The following MAGI2 variants were observed in gnomAD, a reference collection of about 807,000 sequenced individuals.
The protein encoded by MAGI2 is membrane-associated guanylate kinase, WW and PDZ domain-containing protein 2.
In MAGI2, 35 loss-of-function variants were observed where a neutral mutation model predicts 133.3. That is an observed-to-expected ratio of 0.26 (90% confidence interval 0.20 to 0.35). MAGI2 has a LOEUF of 0.35. Among genes scored for constraint, MAGI2 ranks in the 10% least tolerant of loss-of-function variants. MAGI2 has a pLI of 1.00. For synonymous variants in MAGI2, 729 were observed against 710.6 expected, an observed-to-expected ratio of 1.03 and a Z score of -0.41; for missense variants, 1,636 against 1,863.4, an observed-to-expected ratio of 0.88 and a Z score of 2.25.
At chr7:79,386,672 G>A (rs576609695) in intron 1 of MAGI2, among the ~76,000 whole-genome samples, 9 of 152,080 alleles carry the variant, frequency 5.9e-5, no homozygotes, top group East Asian at 1.9e-4. Context: ...GAATAACACC[G>A]AGGACAATTC....
chr7:79,397,276 G>C (rs1236827255), intron 1 of MAGI2, among the ~76,000 whole-genome samples: 4 of 151,208 alleles, frequency 2.6e-5, no homozygotes, highest in East Asian at 1.9e-4. Flanking sequence ...TATCAACATA[G>C]ATTTGATTAT....
chr7:79,281,674 G>A (rs1439641497), intron 1 of MAGI2, among the ~76,000 whole-genome samples: 1 of 152,144 alleles, frequency 6.6e-6, no homozygotes, highest in Non-Finnish European at 1.5e-5. Context: ...GTAAAATGAA[G>A]TTATGGAAAA....
intron 9 of MAGI2, among the ~76,000 whole-genome samples, chr7:78,309,211 C>T (rs1174662995): frequency 1.3e-5 from 2 of 152,036 alleles, no homozygotes; most frequent in Admixed American, 6.5e-5. Context: ...GAAAATAAAT[C>T]GCTCTACCAA....
At chr7:79,279,148 C>T (rs1835443258) in intron 1 of MAGI2, among the ~76,000 whole-genome samples, 1 of 152,102 alleles carries the variant, frequency 6.6e-6, no homozygotes, top group Admixed American at 6.5e-5. Flanking sequence ...CTTTTTGAAG[C>T]GTGGTTCTTT....
intron 1 of MAGI2, among the ~76,000 whole-genome samples, chr7:79,170,067 G>A (rs181633438): frequency 5.6e-4 from 83 of 149,324 alleles, no homozygotes; most frequent in Non-Finnish European, 1.1e-3. Context: ...GACCATAGTA[G>A]GTCATCCAAC....
intron 1 of MAGI2, among the ~76,000 whole-genome samples, chr7:79,274,315 G>T (rs1287743370): frequency 6.6e-6 from 1 of 152,016 alleles, no homozygotes; most frequent in Admixed American, 6.6e-5. Context: ...GATTCTGATT[G>T]GGTTTGGCAC....
intron 5 of MAGI2, 49 bp downstream of exon 5, chr7:78,501,528 T>A: frequency 2.2e-6 from 3 of 1,392,874 alleles, no homozygotes; most frequent in Non-Finnish European, 3.1e-6. Context: ...ATCATTTATA[T>A]CCCGCTATGA....
At chr7:78,423,100 T>A (rs1264784000) in intron 6 of MAGI2, among the ~76,000 whole-genome samples, 1 of 152,234 alleles carries the variant, frequency 6.6e-6, no homozygotes, top group East Asian at 1.9e-4. Flanking sequence ...TGTGGCTGCA[T>A]CTCCACCCAA....
intron 9 of MAGI2, among the ~76,000 whole-genome samples, chr7:78,330,930 C>T (rs1293112570): frequency 6.6e-6 from 1 of 152,132 alleles, no homozygotes; most frequent in Admixed American, 6.5e-5. Context: ...ACGAATCTGA[C>T]ATTGTCTATA....
chr7:78,251,660 A>G (rs1012634354), intron 10 of MAGI2: 1 of 152,238 alleles, frequency 6.6e-6, no homozygotes, highest in Non-Finnish European at 1.5e-5. Flanking sequence ...AAATTGAACA[A>G]AAGTACAAGA....
At chr7:78,447,154 G>A (rs1788230530) in intron 6 of MAGI2, among the ~76,000 whole-genome samples, 1 of 152,008 alleles carries the variant, frequency 6.6e-6, no homozygotes, top group African/African-American at 2.4e-5. Context: ...GTGCAGCTAG[G>A]AAAATGGATT....
At chr7:79,222,718 T>A (rs1424448188) in intron 1 of MAGI2, among the ~76,000 whole-genome samples, 1 of 152,048 alleles carries the variant, frequency 6.6e-6, no homozygotes, top group Non-Finnish European at 1.5e-5. Context: ...ATATTCCAAA[T>A]GTACCTTTAC....
At chr7:78,491,901 G>A (rs1418338025) in intron 5 of MAGI2, among the ~76,000 whole-genome samples, 1 of 144,380 alleles carries the variant, frequency 6.9e-6, no homozygotes, top group African/African-American at 2.8e-5. Context: ...GTGTGTGTGT[G>A]TGTGTGTGTG....
At chr7:79,360,740 G>A (rs568325885) in intron 1 of MAGI2, among the ~76,000 whole-genome samples, 1 of 152,108 alleles carries the variant, frequency 6.6e-6, no homozygotes, top group East Asian at 1.9e-4. Context: ...AATAAATTGA[G>A]ATTATATCCT....
At chr7:78,318,975 A>G (rs1448322398) in intron 9 of MAGI2, among the ~76,000 whole-genome samples, 4 of 152,212 alleles carry the variant, frequency 2.6e-5, no homozygotes, top group African/African-American at 7.2e-5. Context: ...AGCACTAAAC[A>G]TGGAAAAGAA....
At chr7:79,087,185 A>G (rs1276961221) in intron 1 of MAGI2, among the ~76,000 whole-genome samples, 1 of 151,906 alleles carries the variant, frequency 6.6e-6, no homozygotes, top group East Asian at 1.9e-4. Flanking sequence ...GCAGTTCAAT[A>G]AAAAATCTAA....
intron 3 of MAGI2, among the ~76,000 whole-genome samples, chr7:78,523,482 AAAAT>A (rs997865899): frequency 2.6e-5 from 4 of 151,954 alleles, no homozygotes; most frequent in Admixed American, 6.6e-5. Context: ...CCATCTCAAA[AAAAT>A]AAATAAATAA....
At chr7:78,076,852 C>CACAAAA (rs1491547468) in intron 21 of MAGI2, among the ~76,000 whole-genome samples, 2 of 42,548 alleles carry the variant, frequency 4.7e-5, no homozygotes, top group Non-Finnish European at 8.3e-5. Context: ...GACTCCGTCT[C>CACAAAA]AAAAAAAAAA....
At chr7:78,203,924 T>G (rs1169333197) in intron 10 of MAGI2, among the ~76,000 whole-genome samples, 1 of 152,240 alleles carries the variant, frequency 6.6e-6, no homozygotes, top group Non-Finnish European at 1.5e-5. Context: ...ACTACACATT[T>G]CTTACTTTTT....
Sources: gnomAD v4.1 joint callset for allele counts (sites outside exome capture counted in the v4.1 genomes callset) on GRCh38, gnomAD v4.1.1 for gene constraint, MANE v1.5 for transcripts, NCBI Gene and HGNC (gene_info 2026-07-23, HGNC 2026-07-21) for gene names.